Variants in PXDN observed in about 807,000 individuals in gnomAD.
PXDN encodes peroxidasin.
PXDN carries 77 observed loss-of-function variants against 140.3 expected under a neutral mutation model. The ratio of observed to expected loss-of-function variants is 0.55; its 90% CI spans 0.46 to 0.66. The LOEUF is 0.66. Ranked by LOEUF, PXDN falls within the 30% of genes least tolerant of loss-of-function variation. PXDN has a pLI of 0.00. For missense variants in PXDN, 1,838 were observed against 2,039.5 expected (o/e 0.90, Z 1.90); for synonymous variants, 911 against 857.4 (o/e 1.06, Z -1.09).
intron 1 of PXDN, among the ~76,000 whole-genome samples, chr2:1,712,731 CT>C (rs556573999): frequency 1.9e-4 from 29 of 151,458 alleles, no homozygotes; most frequent in Admixed American, 1.8e-3. Flanking sequence ...TTTTAGATTT[CT>C]TTTTTTTTGG....
intron 3 of PXDN, 122 bp downstream of exon 3, chr2:1,691,806 A>G: frequency 1.5e-6 from 1 of 651,128 alleles, no homozygotes; most frequent in Non-Finnish European, 2.6e-6. Flanking sequence ...ACCTTCTCAA[A>G]ATAAAACCTC....
chr2:1,656,671 C>G (rs1241273339), intron 14 of PXDN, among the ~76,000 whole-genome samples: 2 of 148,652 alleles, frequency 1.3e-5, no homozygotes, highest in African/African-American at 5.0e-5. Flanking sequence ...CTGCCCCATC[C>G]CGACTGGGAC....
At chr2:1,737,335 C>T (rs562419940) in intron 1 of PXDN, among the ~76,000 whole-genome samples, 1 of 152,226 alleles carries the variant, frequency 6.6e-6, no homozygotes, top group Admixed American at 6.5e-5. Context: ...ATGAACACAG[C>T]AGTGATGACT....
intron 3 of PXDN, among the ~76,000 whole-genome samples, chr2:1,688,867 C>T (rs888462496): frequency 2.0e-5 from 3 of 149,120 alleles, no homozygotes; most frequent in Admixed American, 6.9e-5. Context: ...CCAGAAGGGC[C>T]GAGTGTTTGA....
chr2:1,739,179 C>T (rs543469459), intron 1 of PXDN, among the ~76,000 whole-genome samples: 1 of 152,100 alleles, frequency 6.6e-6, no homozygotes, highest in Non-Finnish European at 1.5e-5. Context: ...CCATCTGGTC[C>T]GTTAAGACAA....
intron 16 of PXDN, chr2:1,652,928 CTCTGTGTGTGTGTGTGTG>C (rs1430431578): frequency 1.0e-5 from 1 of 96,070 alleles, no homozygotes; most frequent in Admixed American, 1.2e-4. Context: ...CTCCTCCGTG[CTCTGTGTGTGTGTGTGTG>C]TGTGTGTGTG....
intron 10 of PXDN, 91 bp from the exon 11 acceptor site, chr2:1,665,165 G>A (rs1346861949): frequency 3.7e-5 from 35 of 948,414 alleles, no homozygotes; most frequent in Middle Eastern, 4.1e-4. Flanking sequence ...CTTGGCAGAC[G>A]TCTGACCATT....
chr2:1,656,189 C>G (rs567016242), intron 14 of PXDN, among the ~76,000 whole-genome samples: 46 of 152,182 alleles, frequency 3.0e-4, no homozygotes, highest in African/African-American at 1.1e-3. Flanking sequence ...GAATCACACA[C>G]CTTATCTACC....
chr2:1,657,870 C>CGTGCGT (rs1683184333), intron 14 of PXDN, among the ~76,000 whole-genome samples: 1 of 146,688 alleles, frequency 6.8e-6, no homozygotes, highest in African/African-American at 2.7e-5. Flanking sequence ...CAAGGACGTG[C>CGTGCGT]CCCCTCCTGA....
chr2:1,709,102 C>A (rs1684690850), intron 1 of PXDN, among the ~76,000 whole-genome samples: 1 of 152,184 alleles, frequency 6.6e-6, no homozygotes, highest in South Asian at 2.1e-4. Flanking sequence ...TGGCTCTGAT[C>A]CCACCCGTGG....
chr2:1,659,687 T>G (rs146494262), intron 14 of PXDN, among the ~76,000 whole-genome samples: 1 of 152,340 alleles, frequency 6.6e-6, no homozygotes, highest in African/African-American at 2.4e-5. Context: ...ATCTACTGGT[T>G]TTTAAGTTTC....
intron 1 of PXDN, among the ~76,000 whole-genome samples, chr2:1,698,045 C>T (rs1558513517): frequency 6.6e-6 from 1 of 152,166 alleles, no homozygotes; most frequent in South Asian, 2.1e-4. Context: ...GCCAAAGCCC[C>T]AGGAGACTGC....
chr2:1,638,208 C>A (rs1484944026), intron 21 of PXDN, among the ~76,000 whole-genome samples: 1 of 152,146 alleles, frequency 6.6e-6, no homozygotes, highest in Non-Finnish European at 1.5e-5. Flanking sequence ...GCGGAGTGAG[C>A]GCACTTCCTT....
chr2:1,643,905 T>C (rs1294196038), intron 18 of PXDN, among the ~76,000 whole-genome samples: 1 of 151,676 alleles, frequency 6.6e-6, no homozygotes, highest in African/African-American at 2.4e-5. Context: ...ACCCCATCTC[T>C]ACTAAAACTA....
At chr2:1,708,481 A>C (rs1314944833) in intron 1 of PXDN, among the ~76,000 whole-genome samples, 1 of 152,176 alleles carries the variant, frequency 6.6e-6, no homozygotes, top group Non-Finnish European at 1.5e-5. Context: ...CCTGACTAGA[A>C]TGACAAAAGT....
chr2:1,731,179 C>CACTA (rs60396503), intron 1 of PXDN, among the ~76,000 whole-genome samples: 2 of 148,996 alleles, frequency 1.3e-5, no homozygotes, highest in East Asian at 4.0e-4. Context: ...CACACACACA[C>CACTA]ATGAACTAGT....
chr2:1,670,899 T>C (rs1683557050), intron 9 of PXDN, among the ~76,000 whole-genome samples: 1 of 152,116 alleles, frequency 6.6e-6, no homozygotes, highest in African/African-American at 2.4e-5. Context: ...ATAAATCTCA[T>C]TTAAGTGTTG....
intron 1 of PXDN, among the ~76,000 whole-genome samples, chr2:1,737,799 A>G (rs1046450361): frequency 6.6e-6 from 1 of 152,326 alleles, no homozygotes; most frequent in Admixed American, 6.5e-5. Context: ...TCAGCCTCCC[A>G]AAGTGCTGGG....
chr2:1,737,352 G>A lies in PXDN; in HGVS notation c.200+6904C>T, dbSNP rs529531861. On this transcript the variant is annotated intron_variant, in intron 1 of 22. Transcript: ENST00000252804. ...GAACACAGCAGTGATGACTGATCTC[G>A]TATCTACGCCAGGATAATCTAACCC... Among the ~76,000 whole-genome samples, 114 of 152,208 alleles carry A rather than the reference G, an allele frequency of 7.5e-4. 1 individual carries two copies. The highest frequency in any genetic ancestry group is 2.7e-3 in the African/African-American group (112 of 41,534).
Sources: allele counts gnomAD v4.1 joint callset (sites outside exome capture counted in the v4.1 genomes callset), GRCh38; gene constraint gnomAD v4.1.1; transcripts MANE v1.5; gene names NCBI Gene and HGNC (gene_info 2026-07-23, HGNC 2026-07-21).